Variants in NRXN1 observed in about 807,000 individuals in gnomAD.
NRXN1 encodes the protein neurexin 1, also known as neurexin-1.
In NRXN1, 39 loss-of-function variants were observed where a neutral mutation model predicts 150.9. The ratio of observed to expected loss-of-function variants is 0.26; its 90% CI spans 0.20 to 0.34. The LOEUF is 0.34. Among genes scored for constraint, NRXN1 ranks in the 10% least tolerant of loss-of-function variants. The pLI, the probability that NRXN1 is intolerant of heterozygous loss-of-function variation, is 1.00. For missense variants in NRXN1, 1,815 were observed against 1,949.9 expected (o/e 0.93, Z 1.30); for synonymous variants, 924 against 757.0 (o/e 1.22, Z -3.62).
At chr2:50,830,282 G>A (rs1203181488) in intron 5 of NRXN1, among the ~76,000 whole-genome samples, 1 of 152,044 alleles carries the variant, frequency 6.6e-6, no homozygotes, top group Non-Finnish European at 1.5e-5. Context: ...GGGTGAGGTA[G>A]GCCCAAACTA....
chr2:50,901,985 G>C (rs1683023251), intron 5 of NRXN1, among the ~76,000 whole-genome samples: 1 of 152,094 alleles, frequency 6.6e-6, no homozygotes, highest in Non-Finnish European at 1.5e-5. Flanking sequence ...AACATTACTT[G>C]CTTCTATACC....
chr2:50,184,913 G>C (rs941758546), intron 18 of NRXN1, among the ~76,000 whole-genome samples: 2 of 152,234 alleles, frequency 1.3e-5, no homozygotes, highest in Middle Eastern at 6.8e-3. Context: ...GTAAGTGACA[G>C]AGGTAGGATT....
chr2:50,408,926 G>C (rs1419731472), intron 17 of NRXN1, among the ~76,000 whole-genome samples: 7 of 150,578 alleles, frequency 4.6e-5, no homozygotes, highest in African/African-American at 1.7e-4. Context: ...ATCATGCATA[G>C]TATGAGGGGA....
chr2:50,991,482 C>T (rs1275331516), intron 2 of NRXN1, among the ~76,000 whole-genome samples: 1 of 152,012 alleles, frequency 6.6e-6, no homozygotes, highest in Admixed American at 6.6e-5. Context: ...ATCTACTCAA[C>T]TATGGTCCTA....
At chr2:50,986,496 AT>A (rs767685399) in intron 2 of NRXN1, among the ~76,000 whole-genome samples, 12 of 151,186 alleles carry the variant, frequency 7.9e-5, no homozygotes, top group Admixed American at 2.6e-4. Flanking sequence ...TACTGCGCAG[AT>A]TTTTTTTTGA....
intron 17 of NRXN1, among the ~76,000 whole-genome samples, chr2:50,367,790 G>C (rs894070522): frequency 1.3e-5 from 2 of 151,958 alleles, no homozygotes; most frequent in Non-Finnish European, 2.9e-5. Context: ...CATGCTTATT[G>C]GCCAGGTGCT....
intron 5 of NRXN1, among the ~76,000 whole-genome samples, chr2:50,802,574 GAGAC>G (rs934126583): frequency 9.4e-5 from 14 of 148,160 alleles, no homozygotes; most frequent in Admixed American, 1.4e-4. Flanking sequence ...AGGAAGGAGA[GAGAC>G]AGAGAGAAAG....
chr2:50,207,356 TA>T (rs2062677268), intron 18 of NRXN1, among the ~76,000 whole-genome samples: 1 of 152,146 alleles, frequency 6.6e-6, no homozygotes, highest in Non-Finnish European at 1.5e-5. Flanking sequence ...AATACCTCTG[TA>T]ACTCACCTCT....
In NRXN1 at chr2:49,921,578, G is replaced by GTGT. The variant is rs1366524542; in HGVS notation, c.*363_*365dup. On this transcript the variant is annotated 3_prime_UTR_variant, in exon 23 of 23. Transcript: ENST00000401669. The stretch of plus-strand genomic sequence containing the variant: ...CAGGATCATAGGTAGCTTCTTTTTT[G>GTGT]TGTTATGTTTTGTGTTGGTTTTTGT... 1.6e-5 allele frequency: 3 copies of GTGT among 193,536 alleles called. No individual in the cohort carries two copies. The highest frequency in any genetic ancestry group is 2.1e-5 in the Non-Finnish European group (2 of 94,276). The allele number at this position is 193,536 out of a possible 1,614,324, so 12.0% of individuals were successfully genotyped here.
chr2:50,187,089 T>A (rs1219108622), intron 18 of NRXN1, among the ~76,000 whole-genome samples: 1 of 152,036 alleles, frequency 6.6e-6, no homozygotes, highest in African/African-American at 2.4e-5. Context: ...AGTCAATGGC[T>A]GATTCTATGT....
intron 17 of NRXN1, among the ~76,000 whole-genome samples, chr2:50,358,644 G>A (rs1287550671): frequency 6.6e-6 from 1 of 152,242 alleles, no homozygotes; most frequent in African/African-American, 2.4e-5. Context: ...AGGAGCGGCT[G>A]TTGGCACAGC....
At chr2:50,420,544 G>C (rs2083904712) in intron 17 of NRXN1, among the ~76,000 whole-genome samples, 1 of 152,010 alleles carries the variant, frequency 6.6e-6, no homozygotes, top group African/African-American at 2.4e-5. Flanking sequence ...ACTGGCCAAT[G>C]GAGAAACAAA....
chr2:50,755,156 A>G (rs544551062), intron 5 of NRXN1, among the ~76,000 whole-genome samples: 1 of 151,944 alleles, frequency 6.6e-6, no homozygotes, highest in African/African-American at 2.4e-5. Context: ...TCCACTGGAC[A>G]TACTTTAGGG....
chr2:51,015,459 C>A (rs747969842), intron 2 of NRXN1, among the ~76,000 whole-genome samples: 1 of 151,820 alleles, frequency 6.6e-6, no homozygotes, highest in South Asian at 2.1e-4. Flanking sequence ...TGTCTTGGGT[C>A]GAGGAGAAGG....
intron 18 of NRXN1, among the ~76,000 whole-genome samples, chr2:50,149,549 G>T (rs2678228): frequency 0.55 from 83,297 of 151,346 alleles, 23,218 homozygotes; most frequent in African/African-American, 0.6. Flanking sequence ...AAAATAATTC[G>T]AATTCATTCT....
chr2:51,025,368 G>T (rs887243523), intron 2 of NRXN1, among the ~76,000 whole-genome samples: 14 of 152,086 alleles, frequency 9.2e-5, no homozygotes, highest in African/African-American at 2.9e-4. Context: ...ATGCATTTCA[G>T]ATACATCTAA....
intron 17 of NRXN1, among the ~76,000 whole-genome samples, chr2:50,280,519 T>A (rs1352431840): frequency 6.6e-6 from 1 of 152,112 alleles, no homozygotes; most frequent in East Asian, 1.9e-4. Context: ...ATCCCAGCTC[T>A]GTCACTTGTT....
chr2:49,962,839 G>C (rs1347155304), intron 21 of NRXN1, among the ~76,000 whole-genome samples: 2 of 152,040 alleles, frequency 1.3e-5, no homozygotes, highest in African/African-American at 4.8e-5. Flanking sequence ...TGTAGTCCCA[G>C]CTACTCAGGA....
At chr2:50,557,185 C>T (rs1195249477) in intron 8 of NRXN1, among the ~76,000 whole-genome samples, 3 of 152,046 alleles carry the variant, frequency 2.0e-5, no homozygotes, top group African/African-American at 4.8e-5. Flanking sequence ...TTCAACAGAG[C>T]GGGAGTATGT....
Sources: allele counts gnomAD v4.1 joint callset (sites outside exome capture counted in the v4.1 genomes callset), GRCh38; gene constraint gnomAD v4.1.1; transcripts MANE v1.5; gene names NCBI Gene and HGNC (gene_info 2026-07-23, HGNC 2026-07-21).